The following MUC6 variants were observed in gnomAD, a reference collection of about 807,000 sequenced individuals.
MUC6 encodes the protein mucin 6, oligomeric mucus/gel-forming (gene/pseudogene).
Under a neutral mutation model 201.5 loss-of-function variants are expected in MUC6, and 188 were observed. The observed-to-expected ratio is 0.93, with a 90% CI of 0.83 to 1.05. The LOEUF (loss-of-function observed/expected upper bound fraction) is 1.05. MUC6 is among the 50% of genes least tolerant of loss of function. The pLI is 0.00. For missense variants in MUC6, 2,706 were observed against 3,256.9 expected, an observed-to-expected ratio of 0.83 and a Z score of 4.12; for synonymous variants, 1,228 against 1,389.4, an observed-to-expected ratio of 0.88 and a Z score of 2.58.
rs539028316 is a variant in MUC6, at chr11:1,025,410, C to T, written c.2800-43G>A. On this transcript the variant is annotated intron_variant, in intron 22 of 32. Transcript: ENST00000421673. ...CATAGGACTGCCTGTCTGTCTCCCC[C>T]GGCCCCTGGCACAGCCGTGCTGGAC... 4.5e-5 allele frequency: 71 copies of T among 1,582,556 alleles called. 1 individual carries two copies. Among genetic ancestry groups the T allele is most frequent in the African/African-American group, 4.2e-4 (31 of 74,662 alleles).
At chr11:1,032,596 C>T (rs60144837) in intron 2 of MUC6, among the ~76,000 whole-genome samples, 11,789 of 146,326 alleles carry the variant, frequency 0.081, 554 homozygotes, top group Middle Eastern at 0.16. Flanking sequence ...GTGTTGGGTG[C>T]GTGCACATGT....
chr11:1,015,654 G>C (rs931362048), intron 31 of MUC6, 108 bp downstream of exon 31: 5 of 1,454,146 alleles, frequency 3.4e-6, no homozygotes, highest in Non-Finnish European at 4.5e-6. Context: ...GAACAGGCGT[G>C]TGGTCCTGGG....
chr11:1,019,790 T>TG (rs2133820931), intron 29 of MUC6: 1 of 620,750 alleles, frequency 1.6e-6, no homozygotes, highest in South Asian at 1.9e-5. Context: ...GGGCAGCAGA[T>TG]GGGGCCCTGC....
chr11:1,013,379 C>A lies in MUC6; in HGVS notation c.*77G>T. On this transcript the variant is annotated 3_prime_UTR_variant, in exon 33 of 33. Coordinates refer to ENST00000421673, the MANE Select transcript of MUC6 (RefSeq NM_005961.3). ...CCAGGAAAGCAGCTGCTGGCACAAG[C>A]GGGAAGGGGGCTGGTGGGTGTTTTC... The A allele has an allele frequency of 7.0e-7, 1 of 1,419,216 alleles. No individual in the cohort carries two copies. Among genetic ancestry groups the A allele is most frequent in the Non-Finnish European group, 9.5e-7 (1 of 1,055,650 alleles). The allele number at this position is 1,419,216 out of a possible 1,614,324, so 87.9% of individuals were successfully genotyped here.
Position 1,020,295 on chromosome 11 carries a change from C to T in MUC6, c.3641-38G>A, listed in dbSNP as rs199624455. On this transcript the variant is annotated intron_variant, in intron 28 of 32. Transcript: ENST00000421673. ...ACATGCCATCAGGGCTGCAGGGTAC[C>T]GGCATATCCTTGGGGAGCACCCTCC... is the stretch of plus-strand genomic sequence containing the variant. 268 of 1,569,756 alleles carry T rather than the reference C, an allele frequency of 1.7e-4. No homozygotes were observed. In the African/African-American group the frequency reaches 2.9e-3, roughly 17 times the overall value.
rs1421822698 is a variant in MUC6 at position 1,030,331 on chromosome 11, C to T, written c.897G>A (p.Val299=). ...RRWRSPGLCS[V]GQCPANQVYQ... ...ACACCTGGTTGGCCGGGCACTGACC[C>T]ACGGCTGTGGGCACACGCGGCTCCG... The change falls in exon 8 of 33, where the codon GTG becomes GTA. Residue 299 remains valine, a synonymous_variant. Coordinates refer to ENST00000421673, the MANE Select transcript of MUC6 (RefSeq NM_005961.3). The T allele has an allele frequency of 3.9e-6, 6 of 1,547,994 alleles. No homozygotes were observed. The highest frequency in any genetic ancestry group is 4.4e-6 in the Non-Finnish European group (5 of 1,146,724).
Position 1,026,016 on chromosome 11 carries a change from T to G in MUC6, c.2672A>C (p.Glu891Ala). 1 of 1,587,640 alleles carries G rather than the reference T, an allele frequency of 6.3e-7. No homozygotes were observed. The highest frequency in any genetic ancestry group is 8.6e-7 in the Non-Finnish European group (1 of 1,167,514). The change falls in exon 21 of 33, where the codon GAG becomes GCG. Residue 891 changes from glutamate (E) to alanine (A), a missense_variant. By Grantham distance (107) the Glu-to-Ala change is moderately radical. This residue lies in a region of MUC6 where 1,850 missense variants were observed against 1,958.3 expected (regional missense o/e 0.94). Transcript: ENST00000421673. The stretch of plus-strand genomic sequence containing the variant: ...GATGGTTACCGTGGCCAGGATGTAC[T>G]CGCAGTTGCCGTCGAATACGAAGCG... ...GQRFVFDGNC[E>A]YILATDVCGV... is the part of the protein sequence containing the mutation.
intron 22 of MUC6, 144 bp from the exon 23 acceptor site, chr11:1,025,511 C>T (rs1160720225): frequency 3.0e-5 from 30 of 1,015,154 alleles, no homozygotes; most frequent in Non-Finnish European, 4.3e-5. Context: ...CAGCTTGGGG[C>T]AGAAGGGCCT....
In MUC6 at chr11:1,030,782, T is replaced by TG. The variant is rs747421568; in HGVS notation, c.685-3dup. 2.5e-5 allele frequency: 39 copies of TG among 1,535,306 alleles called. No individual in the cohort carries two copies. The East Asian group carries it at 7.6e-4, about 30-fold the overall frequency. On this transcript the variant is annotated splice_region_variant and splice_polypyrimidine_tract_variant and intron_variant, in intron 6 of 32. Transcript: ENST00000421673. ...CAGCAGCTGGGTGCAGATCCGGGCC[T>TG]GGGGGGGCCACTCAGGGTCATGGGG...
chr11:1,015,713 A>G (rs760637063), intron 31 of MUC6, 49 bp downstream of exon 31: 2 of 1,506,388 alleles, frequency 1.3e-6, no homozygotes, highest in East Asian at 2.3e-5. Context: ...CCTGGGAGTC[A>G]TGAGCACAGA....
chr11:1,026,238 G>T (rs1049417016), intron 20 of MUC6, 89 bp downstream of exon 20: 15 of 1,531,848 alleles, frequency 9.8e-6, no homozygotes, highest in African/African-American at 1.4e-5. Context: ...GGACGCCCCC[G>T]CCTCTGGGAC....
chr11:1,025,970 G>A (rs766174565), intron 21 of MUC6, 30 bp downstream of exon 21: 107 of 1,588,496 alleles, frequency 6.7e-5, no homozygotes, highest in African/African-American at 9.4e-5. Context: ...CTGGGTCCCC[G>A]GCCCCTGCGG....
In MUC6 at chr11:1,027,326, G is replaced by A. The variant is rs1477937684; in HGVS notation, c.2173C>T (p.Leu725=). The A allele has an allele frequency of 6.2e-7, 1 of 1,612,864 alleles. No homozygotes were observed. Among genetic ancestry groups the A allele is most frequent in the African/African-American group, 1.3e-5 (1 of 74,932 alleles). Residue 725 remains leucine (L), a synonymous_variant, in exon 17 of 33, where the codon CTG becomes TTG. Coordinates refer to ENST00000421673, the MANE Select transcript of MUC6 (RefSeq NM_005961.3). ...CVRKAQCPCI[L]EGYKFILAEQ... ...GCCAGGATGAACTTGTAACCCTCCA[G>A]TATGCACGGGCACTGGGCCTTGCGC...
intron 11 of MUC6, 23 bp from the exon 12 acceptor site, chr11:1,028,984 C>G: frequency 6.2e-7 from 1 of 1,613,046 alleles, no homozygotes; most frequent in Non-Finnish European, 8.5e-7. Context: ...TGGCCTGAGT[C>G]AGGGTGCAGG....
chr11:1,017,516 G>C lies in MUC6; in HGVS notation c.5285C>G (p.Thr1762Ser). ...GGTGATGCTGGTGGTAGAAGTTGAG[G>C]TGACTTCAGGATGGTGTGTGGAGGA... Reference protein sequence around the residue: ...HTSSTHHPEVTSTSTTSITPN... With the variant: ...HTSSTHHPEVSSTSTTSITPN... Residue 1762 changes from threonine (T) to serine (S), a missense_variant, in exon 31 of 33, where the codon ACC becomes AGC. Thr to Ser is a moderately conservative substitution (Grantham distance 58). Coordinates refer to ENST00000421673, the MANE Select transcript of MUC6 (RefSeq NM_005961.3). 1 of 1,472,818 alleles carries C rather than the reference G, an allele frequency of 6.8e-7. No individual in the cohort carries two copies. Among genetic ancestry groups the C allele is most frequent in the Non-Finnish European group, 9.2e-7 (1 of 1,089,954 alleles). The allele number at this position is 1,472,818 out of a possible 1,614,324, so 91.2% of individuals were successfully genotyped here. A position where few individuals can be genotyped will look rare whatever the true frequency, so the allele number is the denominator to read the frequency against.
In MUC6 at chr11:1,033,761, A is replaced by G. The variant is rs533104180; in HGVS notation, c.53-686T>C. Among the ~76,000 whole-genome samples the G allele has an allele frequency of 3.0e-4, 44 of 148,906 alleles. No individual in the cohort carries two copies. The highest frequency in any genetic ancestry group is 1.1e-3 in the African/African-American group (44 of 40,150). ...TCCCACCCCCTGTACCCAGAGGGAG[A>G]CTTTTCCCACCTCTGGGTAACTCCC... On this transcript the variant is annotated intron_variant, in intron 1 of 32. Transcript: ENST00000421673. This position sits in a 1 kb window ranked among gnomAD's most constrained non-coding sequence, Gnocchi z 5.6.
intron 2 of MUC6, 120 bp from the exon 3 acceptor site, chr11:1,032,173 T>A: frequency 7.4e-7 from 1 of 1,343,968 alleles, no homozygotes; most frequent in Non-Finnish European, 1.0e-6. Flanking sequence ...GGGGCCAGGC[T>A]GTGGAAACCC....
intron 15 of MUC6, 29 bp from the exon 16 acceptor site, chr11:1,027,846 T>C: frequency 6.2e-7 from 1 of 1,604,762 alleles, no homozygotes; most frequent in Non-Finnish European, 8.5e-7. Flanking sequence ...CATGGGCTGG[T>C]GGCAGGCACC....
chr11:1,013,661 T>C, intron 32 of MUC6, 28 bp from the exon 33 acceptor site: 1 of 1,546,254 alleles, frequency 6.5e-7, no homozygotes, highest in East Asian at 2.4e-5. Context: ...CAGAGCAGGG[T>C]CATGACTGCT....
Sources: gnomAD v4.1 joint callset for allele counts (sites outside exome capture counted in the v4.1 genomes callset) on GRCh38, gnomAD v4.1.1 for gene constraint, gnomAD v4.1.1 regional missense constraint, Gnocchi (gnomAD v3.1) non-coding constraint, MANE v1.5 for transcripts, NCBI Gene and HGNC (gene_info 2026-07-23, HGNC 2026-07-21) for gene names.